Variants in CNBD1 observed in about 807,000 individuals in gnomAD.
CNBD1 encodes cyclic nucleotide binding domain containing 1.
A neutral mutation model predicts 54.4 loss-of-function variants in CNBD1; 71 were observed. The ratio of observed to expected loss-of-function variants is 1.30; its 90% CI spans 1.08 to 1.59. The LOEUF is 1.59. Ranked by LOEUF, CNBD1 falls within the 40% of genes most tolerant of loss-of-function variation. The pLI is 0.00. For synonymous variants in CNBD1, 182 were observed against 170.7 expected, an observed-to-expected ratio of 1.07 and a Z score of -0.51; for missense variants, 659 against 518.0, an observed-to-expected ratio of 1.27 and a Z score of -2.64.
At chr8:87,247,705 TTTCTG>T (rs1807835333) in intron 6 of CNBD1, among the ~76,000 whole-genome samples, 1 of 152,192 alleles carries the variant, frequency 6.6e-6, no homozygotes, top group Non-Finnish European at 1.5e-5. Flanking sequence ...AGCCCTCTCA[TTTCTG>T]TATGTAAGAG....
In CNBD1 at chr8:87,206,102, A is replaced by G; in HGVS notation, c.541A>G (p.Thr181Ala). The change falls in exon 5 of 11, where the codon ACT becomes GCT. Residue 181 changes from threonine (T) to alanine (A), a missense_variant. Transcript: ENST00000518476. Reference sequence around the variant, plus strand: ...TAAGCATCTGAAAACACTTAGTAAGACTGTCTTTTCCGAAACCTGGTTGAA... The same window carrying G: ...TAAGCATCTGAAAACACTTAGTAAGGCTGTCTTTTCCGAAACCTGGTTGAA... ...NDKHLKTLSK[T>A]VFSETWLKGS... 1.3e-6 allele frequency: 2 copies of G among 1,593,514 alleles called. No individual in the cohort carries two copies. Among genetic ancestry groups the G allele is most frequent in the East Asian group, 2.3e-5 (1 of 43,810 alleles).
At chr8:86,918,366 T>G (rs939584640) in intron 3 of CNBD1, among the ~76,000 whole-genome samples, 1 of 152,162 alleles carries the variant, frequency 6.6e-6, no homozygotes, top group Admixed American at 6.5e-5. Context: ...CTTTCCTCAC[T>G]GGTTCATATT....
In CNBD1 at chr8:86,905,152, A is replaced by G. The variant is rs1383491637; in HGVS notation, c.230A>G (p.Gln77Arg). ...MKQYPKVFLH[Q>R]KPRLPKLFKQ... ...CAATATCCTAAAGTATTCCTGCACCAAAAACCCAGACTTCCTAAACTTTTC... is the reference window on the plus strand; with the variant it reads ...CAATATCCTAAAGTATTCCTGCACCGAAAACCCAGACTTCCTAAACTTTTC... Residue 77 changes from glutamine to arginine, a missense_variant, in exon 3 of 11, where the codon CAA (glutamine) becomes CGA (arginine). Transcript: ENST00000518476. The G allele has an allele frequency of 7.5e-6, 12 of 1,607,848 alleles. No individual in the cohort carries two copies. Among genetic ancestry groups the G allele is most frequent in the Non-Finnish European group, 1.0e-5 (12 of 1,175,232 alleles).
intron 2 of CNBD1, among the ~76,000 whole-genome samples, chr8:86,901,752 T>C (rs1808936246): frequency 6.6e-6 from 1 of 152,186 alleles, no homozygotes; most frequent in African/African-American, 2.4e-5. Context: ...AAAAGGACAT[T>C]GAGAATCTTA....
chr8:87,168,062 T>C (rs1813003084), intron 4 of CNBD1, among the ~76,000 whole-genome samples: 1 of 152,150 alleles, frequency 6.6e-6, no homozygotes, highest in African/African-American at 2.4e-5. Context: ...TATAAACTCA[T>C]GGGATCACTG....
At chr8:87,310,124 G>A (rs1809233763) in intron 8 of CNBD1, among the ~76,000 whole-genome samples, 2 of 152,150 alleles carry the variant, frequency 1.3e-5, no homozygotes. Context: ...GGAGGCCAAA[G>A]TGAGAGGATC....
intron 4 of CNBD1, among the ~76,000 whole-genome samples, chr8:87,172,232 G>T (rs1183433582): frequency 6.6e-6 from 1 of 152,042 alleles, no homozygotes; most frequent in African/African-American, 2.4e-5. Context: ...GGTCGAAGAA[G>T]ATGCTTGAAA....
chr8:87,222,097 A>G (rs1814351717), intron 5 of CNBD1, among the ~76,000 whole-genome samples: 1 of 152,104 alleles, frequency 6.6e-6, no homozygotes, highest in Admixed American at 6.6e-5. Flanking sequence ...AAATTAATCC[A>G]TCTGGCTTAA....
intron 4 of CNBD1, among the ~76,000 whole-genome samples, chr8:87,168,437 A>C (rs1813011275): frequency 6.6e-6 from 1 of 152,022 alleles, no homozygotes; most frequent in Non-Finnish European, 1.5e-5. Flanking sequence ...ACAATCCAAT[A>C]TACTCTTTCA....
At chr8:87,211,010 T>C (rs1207592206) in intron 5 of CNBD1, among the ~76,000 whole-genome samples, 1 of 152,034 alleles carries the variant, frequency 6.6e-6, no homozygotes, top group Non-Finnish European at 1.5e-5. Context: ...TCAGGGGCCA[T>C]ACCCTGCAGA....
intron 4 of CNBD1, among the ~76,000 whole-genome samples, chr8:87,079,526 T>C (rs1165201863): frequency 6.6e-6 from 1 of 152,180 alleles, no homozygotes; most frequent in Non-Finnish European, 1.5e-5. Flanking sequence ...AAATGTGTAG[T>C]AGCATCACAT....
At chr8:86,871,657 T>A (rs1808445138) in intron 1 of CNBD1, among the ~76,000 whole-genome samples, 1 of 152,156 alleles carries the variant, frequency 6.6e-6, no homozygotes, top group African/African-American at 2.4e-5. Context: ...CAATACTGAT[T>A]AGAGGTACAG....
At chr8:87,244,162 T>G (rs947723230) in intron 6 of CNBD1, among the ~76,000 whole-genome samples, 2 of 152,124 alleles carry the variant, frequency 1.3e-5, no homozygotes, top group Non-Finnish European at 2.9e-5. Flanking sequence ...AGAAGTACAT[T>G]GGTCCCATCC....
chr8:87,143,033 CACTT>C (rs1256308847), intron 4 of CNBD1, among the ~76,000 whole-genome samples: 2 of 151,980 alleles, frequency 1.3e-5, no homozygotes, highest in Admixed American at 6.6e-5. Context: ...AATAATTAAT[CACTT>C]ACAAGTCAAA....
chr8:87,225,874 C>A (rs1266140066), intron 5 of CNBD1, among the ~76,000 whole-genome samples: 3 of 147,040 alleles, frequency 2.0e-5, no homozygotes, highest in Admixed American at 6.7e-5. Flanking sequence ...TGGTCCAGGA[C>A]TCTTTTTGGT....
intron 3 of CNBD1, among the ~76,000 whole-genome samples, chr8:86,926,968 T>C (rs966915982): frequency 2.0e-5 from 3 of 152,160 alleles, no homozygotes; most frequent in Non-Finnish European, 4.4e-5. Context: ...GGGTCTGATT[T>C]CCTGGGGCAA....
chr8:87,356,069 C>T (rs1268993642), intron 10 of CNBD1, among the ~76,000 whole-genome samples: 1 of 151,032 alleles, frequency 6.6e-6, no homozygotes, highest in Non-Finnish European at 1.5e-5. Context: ...TGAGTCCTCA[C>T]CAGAAGCCAA....
rs1472173398 is a variant in CNBD1 at position 87,323,888 on chromosome 8, A to C, written c.1043-27797A>C. Among the ~76,000 whole-genome samples the C allele has an allele frequency of 1.1e-4, 15 of 136,544 alleles. 2 individuals carry two copies. The South Asian group carries it at 3.3e-3, about 30-fold the overall frequency. 89.6% of individuals were successfully genotyped at this position (136,544 alleles called of 152,430 possible). On this transcript the variant is annotated intron_variant, in intron 8 of 10. Coordinates refer to ENST00000518476, the MANE Select transcript of CNBD1 (RefSeq NM_173538.3). ...GCATCTCTGTCTTGTGCCAGTTTTC[A>C]AAGGGAATGCTTCCAGTTTTTGCCC...
intron 6 of CNBD1, among the ~76,000 whole-genome samples, chr8:87,249,541 G>A (rs188004142): frequency 7.2e-5 from 11 of 152,158 alleles, no homozygotes; most frequent in Non-Finnish European, 1.6e-4. Flanking sequence ...CATCCCATTG[G>A]CTAGACTAGG....
Sources: gnomAD v4.1 joint callset for allele counts (sites outside exome capture counted in the v4.1 genomes callset) on GRCh38, gnomAD v4.1.1 for gene constraint, MANE v1.5 for transcripts, NCBI Gene and HGNC (gene_info 2026-07-23, HGNC 2026-07-21) for gene names.